Variants in DMD observed in about 807,000 individuals in gnomAD.
The protein encoded by DMD is dystrophin, also known as mutant dystrophin.
In DMD, 63 loss-of-function variants were observed where a neutral mutation model predicts 330.1. The ratio of observed to expected loss-of-function variants is 0.19; its 90% CI spans 0.16 to 0.24. DMD has a LOEUF of 0.24. Ranked by LOEUF, DMD falls within the 10% of genes least tolerant of loss-of-function variation. The probability of loss-of-function intolerance (pLI) is 1.00; values close to 1 mark genes in which losing one functional copy is unlikely to be tolerated. For missense variants in DMD, 3,344 were observed against 2,684.1 expected (o/e 1.25, Z -5.43); for synonymous variants, 1,223 against 959.8 (o/e 1.27, Z -5.07).
At chrX:32,805,315 A>G (rs934960982) in intron 7 of DMD, among the ~76,000 whole-genome samples, 2 of 111,989 alleles carry the variant, frequency 1.8e-5, no homozygotes, top group Non-Finnish European at 3.8e-5. Context: ...TTCATGAAGC[A>G]TACACAAGTA....
At chrX:33,232,024 A>G (rs939907461) in intron 1 of DMD, among the ~76,000 whole-genome samples, 25 of 111,922 alleles carry the variant, frequency 2.2e-4, no homozygotes, top group Non-Finnish European at 3.2e-4. Context: ...AGCCAGCAAG[A>G]AAAGAGTGTA....
chrX:33,243,386 T>TAAAAAAAAAAAAA (rs2052618554), intron 1 of DMD, among the ~76,000 whole-genome samples: 1 of 111,690 alleles, frequency 9.0e-6, no homozygotes, highest in Non-Finnish European at 1.9e-5. Context: ...AAAAAACAAA[T>TAAAAAAAAAAAAA]AAACAAAAAA....
chrX:32,452,208 A>G (rs1360835911), intron 26 of DMD, among the ~76,000 whole-genome samples: 2 of 105,521 alleles, frequency 1.9e-5, no homozygotes, highest in Non-Finnish European at 3.9e-5. Flanking sequence ...GGTAGTGGCC[A>G]TATATAAATA....
chrX:32,997,409 C>T (rs1429930668), intron 2 of DMD, among the ~76,000 whole-genome samples: 2 of 111,033 alleles, frequency 1.8e-5, no homozygotes, highest in Non-Finnish European at 3.8e-5. Context: ...CCATGCCCGA[C>T]TGATTTTTGT....
At chrX:33,284,681 G>A (rs921437647) in intron 1 of DMD, among the ~76,000 whole-genome samples, 19 of 88,106 alleles carry the variant, frequency 2.2e-4, no homozygotes, top group East Asian at 3.3e-4. Context: ...GGCCTATAAC[G>A]TTGGTTTTCT....
At chrX:32,359,221 C>T (rs1471040947) in intron 37 of DMD, among the ~76,000 whole-genome samples, 2 of 111,809 alleles carry the variant, frequency 1.8e-5, no homozygotes, top group African/African-American at 3.3e-5. Context: ...TTCTGGGCTT[C>T]GGAATTTCTT....
intron 53 of DMD, 38 bp downstream of exon 53, chrX:31,679,337 C>T (rs1384679476): frequency 1.7e-5 from 18 of 1,038,995 alleles, no homozygotes; most frequent in Non-Finnish European, 2.1e-5. Flanking sequence ...TCAAATGTAA[C>T]CAGTATTTTA....
At chrX:32,834,686 G>C (rs928819899) in intron 4 of DMD, among the ~76,000 whole-genome samples, 1 of 111,616 alleles carries the variant, frequency 9.0e-6, no homozygotes, top group African/African-American at 3.2e-5. Context: ...CCACATTGTA[G>C]ATTTGAAGTT....
chrX:32,910,840 T>G (rs1008797400), intron 2 of DMD, among the ~76,000 whole-genome samples: 12 of 112,112 alleles, frequency 1.1e-4, no homozygotes, highest in Admixed American at 1.0e-3. Context: ...TGAACTTGCT[T>G]TCTCTCAAGT....
intron 1 of DMD, among the ~76,000 whole-genome samples, chrX:33,236,967 A>C (rs1400072992): frequency 9.0e-6 from 1 of 111,620 alleles, no homozygotes; most frequent in Non-Finnish European, 1.9e-5. Flanking sequence ...TGACACAAGA[A>C]GTAGTGATTA....
At chrX:33,256,267 T>C (rs371768290) in intron 1 of DMD, among the ~76,000 whole-genome samples, 26 of 110,966 alleles carry the variant, frequency 2.3e-4, no homozygotes, top group Non-Finnish European at 4.4e-4. Flanking sequence ...TTAGCAAATA[T>C]ATTAGGGACA....
intron 11 of DMD, among the ~76,000 whole-genome samples, chrX:32,627,160 G>A (rs866684485): frequency 7.6e-4 from 20 of 26,306 alleles, no homozygotes; most frequent in Non-Finnish European, 1.2e-3. Context: ...CCCCCCCCCC[G>A]CCCCAGGACA....
chrX:32,876,743 G>A (rs776766438), intron 2 of DMD, among the ~76,000 whole-genome samples: 1 of 111,401 alleles, frequency 9.0e-6, no homozygotes, highest in African/African-American at 3.3e-5. Flanking sequence ...TGAATGTTCC[G>A]TGTTTCTTAA....
intron 11 of DMD, among the ~76,000 whole-genome samples, chrX:32,637,850 C>T (rs1254926785): frequency 8.9e-6 from 1 of 111,902 alleles, no homozygotes; most frequent in Non-Finnish European, 1.9e-5. Context: ...TCCCACAACA[C>T]ATGGGGATTA....
intron 17 of DMD, among the ~76,000 whole-genome samples, chrX:32,531,265 A>T (rs771607801): frequency 5.4e-5 from 6 of 111,946 alleles, no homozygotes; most frequent in Non-Finnish European, 1.1e-4. Context: ...TCCCTTGAGA[A>T]AATATGTCCA....
At chrX:32,868,364 G>A (rs1414946210) in intron 2 of DMD, among the ~76,000 whole-genome samples, 2 of 111,242 alleles carry the variant, frequency 1.8e-5, no homozygotes, top group Admixed American at 9.5e-5. Flanking sequence ...CATCATCACT[G>A]CAGCTGCCTG....
intron 44 of DMD, among the ~76,000 whole-genome samples, chrX:32,012,504 C>A (rs1311136037): frequency 8.9e-6 from 1 of 111,831 alleles, no homozygotes; most frequent in African/African-American, 3.2e-5. Context: ...CCTCATAATT[C>A]TGAATTGTAC....
chrX:31,453,421 CAA>C (rs2065908316), intron 59 of DMD, among the ~76,000 whole-genome samples: 1 of 110,815 alleles, frequency 9.0e-6, no homozygotes, highest in African/African-American at 3.3e-5. Flanking sequence ...CTTGGCCTCC[CAA>C]AGTGTTGAGA....
At chrX:31,284,849 CACACACACACA>C (rs2053057043) in intron 62 of DMD, among the ~76,000 whole-genome samples, 2 of 106,765 alleles carry the variant, frequency 1.9e-5, no homozygotes, top group Non-Finnish European at 3.8e-5. Flanking sequence ...CACACACACA[CACACACACACA>C]CACCCACACC....
Sources: allele counts gnomAD v4.1 joint callset (sites outside exome capture counted in the v4.1 genomes callset), GRCh38; gene constraint gnomAD v4.1.1; transcripts MANE v1.5; gene names NCBI Gene and HGNC (gene_info 2026-07-23, HGNC 2026-07-21).